Variants in SPON2 observed in about 807,000 individuals in gnomAD.
SPON2 encodes the protein spondin 2.
In SPON2, 32 loss-of-function variants were observed where a neutral mutation model predicts 29.9. The observed-to-expected ratio is 1.07, with a 90% CI of 0.81 to 1.44. SPON2 has a LOEUF of 1.44. SPON2 is among the 40% of genes most tolerant of loss of function. The pLI is 0.00. For synonymous variants in SPON2, 248 were observed against 209.1 expected (o/e 1.19, Z -1.61); for missense variants, 541 against 455.5 (o/e 1.19, Z -1.71).
chr4:1,167,194 G>T lies in SPON2; in HGVS notation c.*278C>A. 2 of 439,618 alleles carry T rather than the reference G, an allele frequency of 4.5e-6. No homozygotes were observed. Among genetic ancestry groups the T allele is most frequent in the Non-Finnish European group, 8.2e-6 (2 of 245,094 alleles). The allele number at this position is 439,618 out of a possible 1,614,324, so 27.2% of individuals were successfully genotyped here. On this transcript the variant is annotated 3_prime_UTR_variant, in exon 6 of 6. Coordinates refer to ENST00000290902, the MANE Select transcript of SPON2 (RefSeq NM_012445.4). ...GGAGACATAATTTAGAGTAGCTGGA[G>T]CCTTGGGGATGACTTTATCCTGCAG... is the stretch of plus-strand genomic sequence containing the variant.
Position 1,167,507 on chromosome 4 carries a change from C to A in SPON2, c.961G>T (p.Glu321Ter), listed in dbSNP as rs1050383163. 1 of 1,613,828 alleles carries A rather than the reference C, an allele frequency of 6.2e-7. No homozygotes were observed. The stretch of plus-strand genomic sequence containing the variant: ...TTATCAGGGACGCACTCAGCCTCTT[C>A]TTCGAGCTCGGGGCAGGGGCTCCCG... ...NNGSPCPELEEEAECVPDNCV is the reference protein window; with the variant it reads ...NNGSPCPELE The change falls in exon 6 of 6, where the codon GAA becomes TAA. Residue 321 changes from glutamate (E) to a stop codon, truncating the protein, a stop_gained. Coordinates refer to ENST00000290902, the MANE Select transcript of SPON2 (RefSeq NM_012445.4). LOFTEE classifies it high-confidence loss of function.
chr4:1,181,385 G>C (rs1420802785), intron 1 of SPON2, among the ~76,000 whole-genome samples: 3 of 152,166 alleles, frequency 2.0e-5, no homozygotes, highest in African/African-American at 7.2e-5. Context: ...GAGTACCTTA[G>C]ACTGAAATGA....
intron 1 of SPON2, among the ~76,000 whole-genome samples, chr4:1,201,805 G>A (rs964670962): frequency 6.6e-6 from 1 of 151,980 alleles, no homozygotes; most frequent in African/African-American, 2.4e-5. Flanking sequence ...GGATGGTCTC[G>A]ATCTCCTGAC....
intron 5 of SPON2, among the ~76,000 whole-genome samples, chr4:1,169,280 G>A (rs1727344008): frequency 1.3e-5 from 2 of 152,076 alleles, no homozygotes; most frequent in Non-Finnish European, 2.9e-5. Context: ...AACAGTGCTG[G>A]CACGTCTGCC....
At chr4:1,189,421 C>G (rs1304979840) in intron 1 of SPON2, among the ~76,000 whole-genome samples, 1 of 151,842 alleles carries the variant, frequency 6.6e-6, no homozygotes, top group Non-Finnish European at 1.5e-5. Context: ...CTTCAGGAGG[C>G]TAAGGCAGGC....
intron 1 of SPON2, among the ~76,000 whole-genome samples, chr4:1,207,023 G>A (rs1728358872): frequency 6.6e-6 from 1 of 151,442 alleles, no homozygotes; most frequent in Non-Finnish European, 1.5e-5. Flanking sequence ...ATGGGGTTAG[G>A]TGTGAGCAGG....
chr4:1,175,412 C>T (rs1487968587), upstream of SPON2, among the ~76,000 whole-genome samples: 10 of 152,248 alleles, frequency 6.6e-5, no homozygotes, highest in Non-Finnish European at 1.0e-4. Context: ...TCTCCCAGCC[C>T]GGCCCTCATG....
upstream of SPON2, among the ~76,000 whole-genome samples, chr4:1,198,631 T>G (rs961006503): frequency 1.3e-5 from 2 of 151,996 alleles, no homozygotes; most frequent in African/African-American, 4.8e-5. Context: ...GTCGGCGGAT[T>G]CTACACAAGA....
At chr4:1,198,626 C>T (rs1399711390), upstream of SPON2, among the ~76,000 whole-genome samples, 2 of 152,066 alleles carry the variant, frequency 1.3e-5, no homozygotes, top group African/African-American at 2.4e-5. Flanking sequence ...GCAGCGTCGG[C>T]GGATTCTACA....
rs1175674680 is a variant in SPON2, at chr4:1,171,366, C to G, written c.341G>C (p.Gly114Ala). The G allele has an allele frequency of 1.2e-6, 2 of 1,611,740 alleles. No homozygotes were observed. Among genetic ancestry groups the G allele is most frequent in the Admixed American group, 3.3e-5 (2 of 59,996 alleles). ...WALMKEIEAA[G>A]EALQSVHAVF... ...CGCGTGCACGCTCTGCAGCGCCTCCCCCGCCGCCTCGATCTCCTTCATCAG... is the reference window on the plus strand; with the variant it reads ...CGCGTGCACGCTCTGCAGCGCCTCCGCCGCCGCCTCGATCTCCTTCATCAG... The change falls in exon 3 of 6, where the codon GGG becomes GCG. Residue 114 changes from glycine to alanine, a missense_variant. By Grantham distance (60) the Gly-to-Ala change is moderately conservative. Coordinates refer to ENST00000290902, the MANE Select transcript of SPON2 (RefSeq NM_012445.4).
chr4:1,194,260 C>T (rs995147621), intron 1 of SPON2, among the ~76,000 whole-genome samples: 4 of 152,136 alleles, frequency 2.6e-5, no homozygotes, highest in Non-Finnish European at 4.4e-5. Context: ...CTGCCAAGGC[C>T]ATGTCATTGG....
intron 1 of SPON2, among the ~76,000 whole-genome samples, chr4:1,193,199 T>G (rs2108668360): frequency 6.6e-6 from 1 of 152,290 alleles, no homozygotes; most frequent in South Asian, 2.1e-4. Context: ...CTGCCTTTGA[T>G]CTGGAGGATG....
chr4:1,174,509 AACAAAAAACAAAAAC>A (rs1560203858), upstream of SPON2, among the ~76,000 whole-genome samples: 4 of 149,698 alleles, frequency 2.7e-5, no homozygotes, highest in African/African-American at 1.0e-4. Context: ...AAAACAAAAA[AACAAAAAACAAAAAC>A]AAAAAAAACT....
intron 1 of SPON2, among the ~76,000 whole-genome samples, chr4:1,189,454 C>G (rs530499826): frequency 2.7e-5 from 4 of 150,154 alleles, no homozygotes; most frequent in Admixed American, 6.6e-5. Context: ...CTCAGGAGTT[C>G]AAGACCAGCA....
chr4:1,177,682 G>T (rs1727630078), upstream of SPON2, among the ~76,000 whole-genome samples: 1 of 152,178 alleles, frequency 6.6e-6, no homozygotes, highest in Non-Finnish European at 1.5e-5. Flanking sequence ...TTACCTTTCT[G>T]CATGGGTTCT....
rs145971673 is a variant in SPON2 at position 1,190,153 on chromosome 4, A to G, written c.-239+4837T>C. ...AGATTTATGAGGGACTCTTATGAACAATGTGCCAACCAATTAAATAATCTA... is the reference window on the plus strand; with the variant it reads ...AGATTTATGAGGGACTCTTATGAACGATGTGCCAACCAATTAAATAATCTA... On this transcript the variant is annotated intron_variant, in intron 1 of 3. Transcript: ENST00000502483. Among the ~76,000 whole-genome samples, 497 of 152,226 alleles carry G rather than the reference A, an allele frequency of 3.3e-3. 2 individuals carry two copies. The highest frequency in any genetic ancestry group is 4.1e-3 in the Non-Finnish European group (277 of 68,010).
chr4:1,179,078 G>T (rs139571879), intron 2 of SPON2, among the ~76,000 whole-genome samples: 5 of 152,304 alleles, frequency 3.3e-5, no homozygotes, highest in South Asian at 2.1e-4. Context: ...CCAGAAGGAG[G>T]ATGTGAATCG....
In SPON2 at chr4:1,171,280, G is replaced by T. The variant is rs1421298967; in HGVS notation, c.427C>A (p.Gln143Lys). The T allele has an allele frequency of 1.3e-6, 2 of 1,552,018 alleles. No homozygotes were observed. The highest frequency in any genetic ancestry group is 4.9e-5 in the East Asian group (2 of 40,854). Residue 143 changes from glutamine to lysine, a missense_variant, in exon 3 of 6, where the codon CAG (glutamine) becomes AAG (lysine). By Grantham distance (53) the Gln-to-Lys change is moderately conservative. Coordinates refer to ENST00000290902, the MANE Select transcript of SPON2 (RefSeq NM_012445.4). ...TGQTSAELEV[Q>K]RRHSLVSFVV... ...GCGCTCACCAGCGAGTGCCTGCGCT[G>T]CACCTCCAGCTCCGCCGACGTCTGC...
chr4:1,188,050 A>C (rs1172137687), intron 1 of SPON2, among the ~76,000 whole-genome samples: 1 of 147,524 alleles, frequency 6.8e-6, no homozygotes, highest in Non-Finnish European at 1.5e-5. Context: ...AAAAAATACA[A>C]AAAAAAAAAA....
Sources: gnomAD v4.1 joint callset for allele counts (sites outside exome capture counted in the v4.1 genomes callset) on GRCh38, gnomAD v4.1.1 for gene constraint, MANE v1.5 for transcripts, NCBI Gene and HGNC (gene_info 2026-07-23, HGNC 2026-07-21) for gene names.